Variants in LAMA2 observed in about 807,000 individuals in gnomAD.
LAMA2 encodes the protein laminin subunit alpha-2.
In LAMA2, 269 loss-of-function variants were observed where a neutral mutation model predicts 364.8. The ratio of observed to expected loss-of-function variants is 0.74; its 90% confidence interval spans 0.67 to 0.82. The LOEUF (loss-of-function observed/expected upper bound fraction) is 0.82. Ranked by LOEUF, LAMA2 falls within the 40% of genes least tolerant of loss-of-function variation. The pLI, the probability that LAMA2 is intolerant of heterozygous loss-of-function variation, is 0.00. For synonymous variants in LAMA2, 1,379 were observed against 1,370.6 expected (o/e 1.01, Z -0.14); for missense variants, 3,807 against 3,873.2 (o/e 0.98, Z 0.45).
chr6:129,068,118 A>G (rs1164329461), intron 3 of LAMA2, among the ~76,000 whole-genome samples: 3 of 152,210 alleles, frequency 2.0e-5, no homozygotes, highest in Non-Finnish European at 4.4e-5. Flanking sequence ...GAAGCATTCA[A>G]TGTGTTTGTA....
chr6:129,220,889 C>T (rs966240845), intron 12 of LAMA2, among the ~76,000 whole-genome samples: 6 of 152,292 alleles, frequency 3.9e-5, no homozygotes, highest in East Asian at 1.9e-4. Context: ...GGGCAAGGCA[C>T]GGTGGCTCAT....
chr6:129,391,913 A>G (rs1405149995), intron 36 of LAMA2, among the ~76,000 whole-genome samples: 2 of 152,202 alleles, frequency 1.3e-5, no homozygotes, highest in African/African-American at 2.4e-5. Context: ...TTGCCTACAT[A>G]TAATCAAGTA....
At chr6:129,052,738 C>T (rs1175856010) in intron 2 of LAMA2, among the ~76,000 whole-genome samples, 3 of 151,770 alleles carry the variant, frequency 2.0e-5, no homozygotes, top group Admixed American at 6.6e-5. Flanking sequence ...TAGAGTATCA[C>T]GCAAAGTAGT....
At chr6:129,194,372 T>G (rs1314477937) in intron 12 of LAMA2, among the ~76,000 whole-genome samples, 2 of 152,118 alleles carry the variant, frequency 1.3e-5, no homozygotes, top group East Asian at 3.9e-4. Context: ...TCATATGCAT[T>G]TTTTTTTCTG....
intron 4 of LAMA2, among the ~76,000 whole-genome samples, chr6:129,122,034 A>G (rs1175983671): frequency 6.6e-6 from 1 of 152,214 alleles, no homozygotes; most frequent in East Asian, 1.9e-4. Flanking sequence ...ATGTGAAAAA[A>G]GATCATTAAA....
At chr6:129,127,024 G>GCTA (rs530884076) in intron 4 of LAMA2, among the ~76,000 whole-genome samples, 282 of 152,286 alleles carry the variant, frequency 1.9e-3, no homozygotes, top group African/African-American at 6.6e-3. Context: ...CTGAGACTGT[G>GCTA]CTACTGCACT....
At chr6:129,354,929 A>G (rs1008318137) in intron 32 of LAMA2, among the ~76,000 whole-genome samples, 2 of 152,152 alleles carry the variant, frequency 1.3e-5, no homozygotes, top group Non-Finnish European at 2.9e-5. Flanking sequence ...CCCATGTGAT[A>G]TTAAGAAAAG....
At chr6:129,457,295 G>A (rs1038447269) in intron 48 of LAMA2, among the ~76,000 whole-genome samples, 2 of 152,018 alleles carry the variant, frequency 1.3e-5, no homozygotes, top group Non-Finnish European at 2.9e-5. Flanking sequence ...AAAACCACAC[G>A]CTGAAGTTAT....
chr6:129,200,288 G>A (rs1371701769), intron 12 of LAMA2, among the ~76,000 whole-genome samples: 1 of 145,974 alleles, frequency 6.9e-6, no homozygotes, highest in Non-Finnish European at 1.5e-5. Context: ...ATATATACGT[G>A]TACACATATA....
intron 4 of LAMA2, among the ~76,000 whole-genome samples, chr6:129,103,156 C>T (rs1775611954): frequency 6.6e-6 from 1 of 152,214 alleles, no homozygotes; most frequent in Non-Finnish European, 1.5e-5. Flanking sequence ...TATCTTCACT[C>T]TCTTGATAGC....
intron 62 of LAMA2, among the ~76,000 whole-genome samples, chr6:129,509,122 G>A (rs539096429): frequency 1.3e-5 from 2 of 152,154 alleles, no homozygotes; most frequent in African/African-American, 4.8e-5. Context: ...AGCCCCTTTT[G>A]ATATACCTGT....
At chr6:128,985,419 A>G (rs1783163647) in intron 1 of LAMA2, among the ~76,000 whole-genome samples, 1 of 152,116 alleles carries the variant, frequency 6.6e-6, no homozygotes, top group African/African-American at 2.4e-5. Context: ...ACATTGAATC[A>G]TTTTTGGTGG....
rs2115011086 is a variant in LAMA2 at position 129,174,670 on chromosome 6, T to A, written c.1307-3036T>A. Among the ~76,000 whole-genome samples, 2 of 152,270 alleles carry A rather than the reference T, an allele frequency of 1.3e-5. 1 individual carries two copies. The highest frequency in any genetic ancestry group is 4.1e-4 in the South Asian group (2 of 4,828). On this transcript the variant is annotated intron_variant, in intron 9 of 64. Transcript: ENST00000421865. The stretch of plus-strand genomic sequence containing the variant: ...CCATGCTCCCTGAACTGTAGTCTAG[T>A]CATCAGAATTTGCCAGTCAACTCCA...
At chr6:129,341,043 A>G (rs574947645) in intron 29 of LAMA2, among the ~76,000 whole-genome samples, 17 of 152,218 alleles carry the variant, frequency 1.1e-4, no homozygotes, top group African/African-American at 4.1e-4. Context: ...AATAGCATAA[A>G]CTCTCAAAAA....
intron 1 of LAMA2, among the ~76,000 whole-genome samples, chr6:128,895,634 C>G (rs188704098): frequency 5.0e-4 from 76 of 152,022 alleles, no homozygotes; most frequent in African/African-American, 1.6e-3. Flanking sequence ...GGCAACAGAG[C>G]GAGACTCCGT....
At chr6:129,146,916 G>A in intron 5 of LAMA2, 43 bp from the exon 6 acceptor site, 1 of 1,164,094 alleles carries the variant, frequency 8.6e-7, no homozygotes, top group Non-Finnish European at 1.3e-6. Context: ...CTTTGACCTT[G>A]CAGTCATCTT....
chr6:128,917,482 GAGGCTCCC>G (rs1778395823), intron 1 of LAMA2, among the ~76,000 whole-genome samples: 2 of 151,958 alleles, frequency 1.3e-5, no homozygotes, highest in African/African-American at 4.8e-5. Flanking sequence ...AATGGAGAAA[GAGGCTCCC>G]TTTGTTTGCT....
At chr6:129,239,396 C>T (rs1480434637) in intron 12 of LAMA2, among the ~76,000 whole-genome samples, 1 of 152,158 alleles carries the variant, frequency 6.6e-6, no homozygotes, top group African/African-American at 2.4e-5. Context: ...TAAGCTTTAG[C>T]TCTAAAATTG....
intron 54 of LAMA2, among the ~76,000 whole-genome samples, chr6:129,480,216 C>T (rs1209089877): frequency 6.6e-6 from 1 of 152,088 alleles, no homozygotes; most frequent in African/African-American, 2.4e-5. Context: ...TACATTTTAC[C>T]AGCTCTTGTG....
Sources: allele counts gnomAD v4.1 joint callset (sites outside exome capture counted in the v4.1 genomes callset), GRCh38; gene constraint gnomAD v4.1.1; transcripts MANE v1.5; gene names NCBI Gene and HGNC (gene_info 2026-07-23, HGNC 2026-07-21).